The following KCNIP4 variants were observed in gnomAD, a reference collection of about 807,000 sequenced individuals.
KCNIP4 encodes Kv channel-interacting protein 4.
KCNIP4 carries 12 observed loss-of-function variants against 34.0 expected under a neutral mutation model. That is an observed-to-expected ratio of 0.35 (90% CI 0.23 to 0.57). The LOEUF (loss-of-function observed/expected upper bound fraction) is 0.57, where lower values mean the gene tolerates loss of function less well. Ranked by LOEUF, KCNIP4 falls within the 20% of genes least tolerant of loss-of-function variation. The probability of loss-of-function intolerance (pLI) is 0.83; values close to 1 mark genes in which losing one functional copy is unlikely to be tolerated. For missense variants in KCNIP4, 238 were observed against 311.7 expected (o/e 0.76, Z 1.78); for synonymous variants, 124 against 102.2 (o/e 1.21, Z -1.29).
At chr4:21,045,231 C>T (rs1742329554) in intron 1 of KCNIP4, among the ~76,000 whole-genome samples, 1 of 152,156 alleles carries the variant, frequency 6.6e-6, no homozygotes, top group Non-Finnish European at 1.5e-5. Context: ...AAGAAGCAAG[C>T]AGGCATCTCT....
At chr4:20,954,943 T>C (rs191471723) in intron 1 of KCNIP4, among the ~76,000 whole-genome samples, 99 of 152,340 alleles carry the variant, frequency 6.5e-4, no homozygotes, top group African/African-American at 2.3e-3. Context: ...TCATCCTTTA[T>C]TGCAGAGACT....
At chr4:21,208,673 T>C (rs1457591732) in intron 1 of KCNIP4, among the ~76,000 whole-genome samples, 3 of 152,198 alleles carry the variant, frequency 2.0e-5, no homozygotes, top group Non-Finnish European at 4.4e-5. Flanking sequence ...ACCGTGCCTA[T>C]TGAAATTGCT....
At chr4:21,465,155 C>T (rs1241492148) in intron 1 of KCNIP4, among the ~76,000 whole-genome samples, 1 of 151,962 alleles carries the variant, frequency 6.6e-6, no homozygotes, top group Admixed American at 6.6e-5. Context: ...AAGAACACAC[C>T]CATTTATTTA....
intron 1 of KCNIP4, among the ~76,000 whole-genome samples, chr4:20,953,222 A>T (rs973829923): frequency 6.6e-6 from 1 of 151,716 alleles, no homozygotes; most frequent in Non-Finnish European, 1.5e-5. Flanking sequence ...TCTATTATCC[A>T]CTCTAACGGC....
At chr4:21,718,619 A>G (rs1242881636) in intron 1 of KCNIP4, 1 of 152,108 alleles carries the variant, frequency 6.6e-6, no homozygotes, top group Non-Finnish European at 1.5e-5. Context: ...CCTTCTTCAA[A>G]AGCCAAACAC....
At chr4:21,305,849 C>T (rs1053841034) in intron 1 of KCNIP4, among the ~76,000 whole-genome samples, 3 of 152,208 alleles carry the variant, frequency 2.0e-5, no homozygotes, top group Non-Finnish European at 2.9e-5. Flanking sequence ...GAAACTTCAA[C>T]CAGAATTGGA....
intron 1 of KCNIP4, among the ~76,000 whole-genome samples, chr4:21,089,883 C>T (rs1342563448): frequency 6.6e-6 from 1 of 152,194 alleles, no homozygotes; most frequent in Non-Finnish European, 1.5e-5. Context: ...TAACCCTATA[C>T]TGGTTGTCTA....
intron 2 of KCNIP4, among the ~76,000 whole-genome samples, chr4:20,855,954 G>A (rs1721527513): frequency 6.6e-6 from 1 of 152,154 alleles, no homozygotes; most frequent in Admixed American, 6.5e-5. Context: ...TATGTGGGAA[G>A]AGCTCAAAGT....
At chr4:21,585,504 C>A (rs779990309) in intron 1 of KCNIP4, among the ~76,000 whole-genome samples, 1 of 152,028 alleles carries the variant, frequency 6.6e-6, no homozygotes, top group Non-Finnish European at 1.5e-5. Flanking sequence ...AAGAAATTGC[C>A]ATATATTTCA....
chr4:21,678,736 C>T (rs1577827199), intron 1 of KCNIP4, among the ~76,000 whole-genome samples: 1 of 152,260 alleles, frequency 6.6e-6, no homozygotes, highest in East Asian at 1.9e-4. Context: ...AAGATTTTGA[C>T]CAAATGCCAT....
At chr4:21,247,936 CAT>C (rs201314507) in intron 1 of KCNIP4, among the ~76,000 whole-genome samples, 3 of 133,540 alleles carry the variant, frequency 2.2e-5, no homozygotes, top group Admixed American at 7.7e-5. Flanking sequence ...TATATACACA[CAT>C]ATATATATAC....
At chr4:21,319,217 T>A (rs1388881058) in intron 1 of KCNIP4, among the ~76,000 whole-genome samples, 1 of 152,208 alleles carries the variant, frequency 6.6e-6, no homozygotes, top group Non-Finnish European at 1.5e-5. Context: ...CAGGCATGGC[T>A]TGATCATGCT....
At chr4:21,036,269 T>A (rs756598408) in intron 1 of KCNIP4, among the ~76,000 whole-genome samples, 9 of 152,158 alleles carry the variant, frequency 5.9e-5, no homozygotes, top group Non-Finnish European at 7.3e-5. Flanking sequence ...ATCAGAGAGA[T>A]CAATTAACCT....
Position 21,344,088 on chromosome 4 carries a change from G to A in KCNIP4, c.62-461379C>T, listed in dbSNP as rs369163398. Among the ~76,000 whole-genome samples, 7 of 152,236 alleles carry A rather than the reference G, an allele frequency of 4.6e-5. No individual in the cohort carries two copies. The South Asian group carries it at 1.4e-3, about 32-fold the overall frequency. On this transcript the variant is annotated intron_variant, in intron 1 of 8. Transcript: ENST00000382152. ...AGACAAAGAACTCAGGAAGCATACAGTTATGTGCACAAGACATGTGCTGAC... is the reference window on the plus strand; with the variant it reads ...AGACAAAGAACTCAGGAAGCATACAATTATGTGCACAAGACATGTGCTGAC...
At chr4:21,878,898 T>C (rs1391119610) in intron 1 of KCNIP4, among the ~76,000 whole-genome samples, 3 of 152,160 alleles carry the variant, frequency 2.0e-5, no homozygotes, top group Non-Finnish European at 2.9e-5. Context: ...AGTGTCTCCT[T>C]AATTGGGAGT....
intron 1 of KCNIP4, among the ~76,000 whole-genome samples, chr4:21,030,692 T>C (rs1740949433): frequency 6.6e-6 from 1 of 152,180 alleles, no homozygotes; most frequent in Admixed American, 6.5e-5. Flanking sequence ...TCATCATCAT[T>C]ATAACTTATA....
chr4:21,037,476 T>C (rs1741553244), intron 1 of KCNIP4, among the ~76,000 whole-genome samples: 3 of 152,216 alleles, frequency 2.0e-5, no homozygotes, highest in Non-Finnish European at 4.4e-5. Flanking sequence ...ACTCATACAA[T>C]AGGTTGTCTA....
chr4:21,400,494 C>CTCCT (rs1560369030), intron 1 of KCNIP4, among the ~76,000 whole-genome samples: 2 of 95,002 alleles, frequency 2.1e-5, no homozygotes, highest in African/African-American at 6.3e-5. Flanking sequence ...TCTCCTCTCC[C>CTCCT]CTCCCTTCCC....
intron 3 of KCNIP4, among the ~76,000 whole-genome samples, chr4:20,811,752 G>C (rs1485054725): frequency 1.3e-5 from 2 of 152,152 alleles, no homozygotes; most frequent in Admixed American, 1.3e-4. Context: ...CAAAAGATGA[G>C]CACTTCCGCC....
Sources: allele counts gnomAD v4.1 joint callset (sites outside exome capture counted in the v4.1 genomes callset), GRCh38; gene constraint gnomAD v4.1.1; transcripts MANE v1.5; gene names NCBI Gene and HGNC (gene_info 2026-07-23, HGNC 2026-07-21).